SLC24A1: variants seen among roughly 807,000 people sequenced by gnomAD.
SLC24A1 encodes solute carrier family 24 member 1, also known as sodium/potassium/calcium exchanger 1.
In SLC24A1, 52 loss-of-function variants were observed where a neutral mutation model predicts 88.1. That is an observed-to-expected ratio of 0.59 (90% CI 0.47 to 0.74). The LOEUF (loss-of-function observed/expected upper bound fraction) is 0.74. Among genes scored for constraint, SLC24A1 ranks in the 30% least tolerant of loss-of-function variants. The probability of loss-of-function intolerance (pLI) is 0.00; values close to 1 mark genes in which losing one functional copy is unlikely to be tolerated. For synonymous variants in SLC24A1, 455 were observed against 498.0 expected (o/e 0.91, Z 1.15); for missense variants, 1,173 against 1,363.3 (o/e 0.86, Z 2.20).
At chr15:65,611,544 G>A (rs62013112) in exon 1 of SLC24A1, 17,220 of 290,428 alleles carry the variant, frequency 0.059, 574 homozygotes, top group African/African-American at 0.091. Context: ...GTCGGTGCAC[G>A]AGCCCAACCC....
chr15:65,618,089 G>C (rs963210370), upstream of SLC24A1, among the ~76,000 whole-genome samples: 19 of 152,204 alleles, frequency 1.2e-4, no homozygotes, highest in Non-Finnish European at 2.9e-5. Flanking sequence ...CCTGCCTCAA[G>C]TATGATTCTA....
At chr15:65,640,749 G>A (rs558206484) in intron 4 of SLC24A1, among the ~76,000 whole-genome samples, 1 of 152,194 alleles carries the variant, frequency 6.6e-6, no homozygotes, top group East Asian at 1.9e-4. Context: ...ACAATATTGG[G>A]TTGTCAGTTG....
rs2075478697 is a variant in SLC24A1, at chr15:65,650,871, C to A, written c.2722C>A (p.Gln908Lys). ...SLDWPETRQK[Q>K]AIYLFLLPIV... is the part of the protein sequence containing the mutation. Reference sequence around the variant, plus strand: ...GGACTGGCCTGAAACCAGGCAGAAGCAGGCCATTTACCTCTTCCTTCTGCC... The same window carrying A: ...GGACTGGCCTGAAACCAGGCAGAAGAAGGCCATTTACCTCTTCCTTCTGCC... The change falls in exon 7 of 10, where the codon CAG becomes AAG. Residue 908 changes from glutamine (Q) to lysine (K), a missense_variant. Coordinates refer to ENST00000261892, the MANE Select transcript of SLC24A1 (RefSeq NM_004727.3). This position sits in a 1 kb window ranked among gnomAD's most constrained non-coding sequence, Gnocchi z 4.1. 1 of 1,613,970 alleles carries A rather than the reference C, an allele frequency of 6.2e-7. No individual in the cohort carries two copies. Among genetic ancestry groups the A allele is most frequent in the Non-Finnish European group, 8.5e-7 (1 of 1,179,886 alleles).
rs2074479533 is a variant in SLC24A1, at chr15:65,625,505, G to A, written c.1425G>A (p.Glu475=). Residue 475 remains glutamate, a synonymous_variant, in exon 2 of 10, where the codon GAG becomes GAA. Coordinates refer to ENST00000261892, the MANE Select transcript of SLC24A1 (RefSeq NM_004727.3). ...TGGCCTTGGCCATTGTTTGCGACGA[G>A]TACTTCGTTCCAGCCCTGGGTGTCA... The part of the protein sequence containing the change: ...VFVALAIVCD[E]YFVPALGVIT... The A allele has an allele frequency of 1.2e-6, 2 of 1,613,920 alleles. No homozygotes were observed. The highest frequency in any genetic ancestry group is 1.3e-5 in the African/African-American group (1 of 74,934).
Position 65,623,992 on chromosome 15 carries a change from T to C in SLC24A1, c.-89T>C. 8.0e-7 allele frequency: 1 copy of C among 1,247,534 alleles called. No homozygotes were observed. The highest frequency in any genetic ancestry group is 1.5e-5 in the South Asian group (1 of 65,540). 77.3% of individuals were successfully genotyped at this position (1,247,534 alleles called of 1,614,324 possible). On this transcript the variant is annotated 5_prime_UTR_variant, in exon 2 of 10. Transcript: ENST00000261892. ...CCCCTGGCTGGGCTTCATGGAGAAATCTTCTCTGATCACCAACCTGAATCC... is the reference window on the plus strand; with the variant it reads ...CCCCTGGCTGGGCTTCATGGAGAAACCTTCTCTGATCACCAACCTGAATCC...
Position 65,638,056 on chromosome 15 carries a change from G to T in SLC24A1, c.1891-72G>T, listed in dbSNP as rs181202714. On this transcript the variant is annotated intron_variant, in intron 2 of 9. Coordinates refer to ENST00000261892, the MANE Select transcript of SLC24A1 (RefSeq NM_004727.3). ...TCTGTATTTCAACCTGAGGACTTCC[G>T]TGGAGAAAGGGATGTAGGGAGAAAG... 5 of 1,065,124 alleles carry T rather than the reference G, an allele frequency of 4.7e-6. No individual in the cohort carries two copies. In the Admixed American group the frequency reaches 7.8e-5, roughly 17 times the overall value. The allele number at this position is 1,065,124 out of a possible 1,614,324, so 66.0% of individuals were successfully genotyped here.
chr15:65,631,994 G>A (rs1045501558), intron 2 of SLC24A1, among the ~76,000 whole-genome samples: 1 of 152,098 alleles, frequency 6.6e-6, no homozygotes, highest in African/African-American at 2.4e-5. Context: ...ACCACACCCA[G>A]CTAATTTTTG....
At position 65,650,901 on chromosome 15, in the gene SLC24A1, G is replaced by T. The variant is rs775935542; in HGVS notation, c.2752G>T (p.Val918Leu). 1.2e-6 allele frequency: 2 copies of T among 1,613,836 alleles called. No homozygotes were observed. Among genetic ancestry groups the T allele is most frequent in the African/African-American group, 1.3e-5 (1 of 74,918 alleles). Residue 918 changes from valine (V) to leucine (L), a missense_variant, in exon 7 of 10, where the codon GTG (valine) becomes TTG (leucine). Physicochemically the swap from Val to Leu is conservative, Grantham distance 32 (BLOSUM62 1). Transcript: ENST00000261892. The surrounding 1 kb of genome is among the most constrained non-coding windows in gnomAD (Gnocchi z 4.1). ...CATTTACCTCTTCCTTCTGCCCATCGTGTTCCCACTGTGGCTGACAGTCCC... is the reference window on the plus strand; with the variant it reads ...CATTTACCTCTTCCTTCTGCCCATCTTGTTCCCACTGTGGCTGACAGTCCC... Reference protein sequence around the residue: ...QAIYLFLLPIVFPLWLTVPDV... With the variant: ...QAIYLFLLPILFPLWLTVPDV...
chr15:65,640,604 G>A (rs897689027), intron 4 of SLC24A1, among the ~76,000 whole-genome samples: 2 of 152,176 alleles, frequency 1.3e-5, no homozygotes, highest in South Asian at 2.1e-4. Flanking sequence ...GGGCAGGAGG[G>A]CTGAGGGCTG....
chr15:65,648,732 C>A lies in SLC24A1; in HGVS notation c.2233-1650C>A, dbSNP rs551430503. On this transcript the variant is annotated intron_variant, in intron 6 of 9. Coordinates refer to ENST00000261892, the MANE Select transcript of SLC24A1 (RefSeq NM_004727.3). ...AGTCAGGCTGGTCTCAAACTCCTGA[C>A]CTCATGATCCGCCCGACTCAGCCTC... Among the ~76,000 whole-genome samples the A allele has an allele frequency of 1.1e-3, 166 of 152,158 alleles. 1 individual carries two copies. Among genetic ancestry groups the A allele is most frequent in the African/African-American group, 3.7e-3 (155 of 41,504 alleles).
chr15:65,650,147 A>C lies in SLC24A1; in HGVS notation c.2233-235A>C, dbSNP rs1032613143. Among the ~76,000 whole-genome samples the C allele has an allele frequency of 2.0e-5, 3 of 152,198 alleles. No homozygotes were observed. Among genetic ancestry groups the C allele is most frequent in the African/African-American group, 7.2e-5 (3 of 41,434 alleles). ...GAATCAGAGGTGCCAAAGATGACAGAAGCTGCTTCAGGTGGTGAGCTTTCC... is the reference window on the plus strand; with the variant it reads ...GAATCAGAGGTGCCAAAGATGACAGCAGCTGCTTCAGGTGGTGAGCTTTCC... On this transcript the variant is annotated intron_variant, in intron 6 of 9. Transcript: ENST00000261892. The surrounding 1 kb of genome is among the most constrained non-coding windows in gnomAD (Gnocchi z 4.1).
chr15:65,635,446 C>CAAAAAAAAAAAAAAAAAAAAAA (rs56960432), intron 2 of SLC24A1, among the ~76,000 whole-genome samples: 2 of 58,352 alleles, frequency 3.4e-5, no homozygotes, highest in Non-Finnish European at 6.0e-5. Context: ...ACTCCGTCTC[C>CAAAAAAAAAAAAAAAAAAAAAA]AAAAAAAAAA....
rs1164106626 is a variant in SLC24A1 at position 65,624,059 on chromosome 15, T to G, written c.-22T>G. 8 of 1,542,000 alleles carry G rather than the reference T, an allele frequency of 5.2e-6. No individual in the cohort carries two copies. The highest frequency in any genetic ancestry group is 6.1e-6 in the Non-Finnish European group (7 of 1,147,658). On this transcript the variant is annotated 5_prime_UTR_variant, in exon 2 of 10. An upstream open reading frame in the 5' UTR loses its in-frame stop. Coordinates refer to ENST00000261892, the MANE Select transcript of SLC24A1 (RefSeq NM_004727.3). ...TTAGGACAGAATGAGAGGCCTTCTG[T>G]AACCAGATATAACTGGCCAGCATGG...
intron 6 of SLC24A1, among the ~76,000 whole-genome samples, chr15:65,646,850 C>T (rs2075317424): frequency 6.6e-6 from 1 of 152,212 alleles, no homozygotes; most frequent in Non-Finnish European, 1.5e-5. Flanking sequence ...GCGTCTAAGA[C>T]AGCTTCATGG....
At chr15:65,657,445 T>G (rs1024736977), downstream of SLC24A1, among the ~76,000 whole-genome samples, 1 of 151,648 alleles carries the variant, frequency 6.6e-6, no homozygotes. Context: ...ATCGAGACCA[T>G]CCTGGCTAAC....
chr15:65,650,715 G>C lies in SLC24A1; in HGVS notation c.2566G>C (p.Gly856Arg), dbSNP rs551408135. The C allele has an allele frequency of 6.4e-7, 1 of 1,563,866 alleles. No individual in the cohort carries two copies. Among genetic ancestry groups the C allele is most frequent in the Admixed American group, 1.9e-5 (1 of 52,062 alleles). The change falls in exon 7 of 10, where the codon GGA becomes CGA. Residue 856 changes from glycine (G) to arginine (R), a missense_variant. By Grantham distance (125) the Gly-to-Arg change is moderately radical (BLOSUM62 -2). Transcript: ENST00000261892. This position sits in a 1 kb window ranked among gnomAD's most constrained non-coding sequence, Gnocchi z 4.1. ...TGTAGAAGATGGAGGGGGAAGTGAT[G>C]GAGGGGATAGCGAAGAGGAGGAAGA... ...KGVEDGGGSDGGDSEEEEEEE... is the reference protein window; with the variant it reads ...KGVEDGGGSDRGDSEEEEEEE...
Position 65,644,506 on chromosome 15 carries a change from AC to A in SLC24A1, c.2135del (p.Pro712GlnfsTer110). On this transcript the variant is annotated frameshift_variant, in exon 5 of 10. Transcript: ENST00000261892. LOFTEE classifies it high-confidence loss of function. ...AACCCCAGGCCAAAGCAGAAAGCAA[AC>A]CAGAAGGTGAGAGGATGGCCAGACC... is the stretch of plus-strand genomic sequence containing the variant. Reference protein sequence around the residue: ...AQPQAKAESKPEEEEPAKLPA... With the variant: ...AQPQAKAESKXEEEEPAKLPA... 6.3e-7 allele frequency: 1 copy of A among 1,583,018 alleles called. No individual in the cohort carries two copies. The highest frequency in any genetic ancestry group is 8.6e-7 in the Non-Finnish European group (1 of 1,164,274).
At position 65,625,976 on chromosome 15, in the gene SLC24A1, G is replaced by A. The variant is rs375850066; in HGVS notation, c.1890+6G>A. Reference sequence around the variant, plus strand: ...CCTTAGAAGACCTCAGCAAGGTAAGGACAAATTGGCTCAGGTTTCTCTAGC... The same window carrying A: ...CCTTAGAAGACCTCAGCAAGGTAAGAACAAATTGGCTCAGGTTTCTCTAGC... On this transcript the variant is annotated splice_donor_region_variant and intron_variant, in intron 2 of 9. Transcript: ENST00000261892. 1.0e-4 allele frequency: 160 copies of A among 1,606,866 alleles called. No homozygotes were observed. Among genetic ancestry groups the A allele is most frequent in the Middle Eastern group, 1.7e-4 (1 of 5,986 alleles).
chr15:65,617,944 C>T (rs140826853), upstream of SLC24A1, among the ~76,000 whole-genome samples: 283 of 152,234 alleles, frequency 1.9e-3, no homozygotes, highest in African/African-American at 6.4e-3. Context: ...TAGTCTCAAG[C>T]AATCCTCCCT....
Sources: allele counts gnomAD v4.1 joint callset (sites outside exome capture counted in the v4.1 genomes callset), GRCh38; gene constraint gnomAD v4.1.1; non-coding constraint Gnocchi (gnomAD v3.1); transcripts MANE v1.5; gene names NCBI Gene and HGNC (gene_info 2026-07-23, HGNC 2026-07-21).